THEMIS: variants seen among roughly 807,000 people sequenced by gnomAD.
THEMIS encodes thymocyte selection associated, also known as protein THEMIS.
In THEMIS, 37 loss-of-function variants were observed where a neutral mutation model predicts 52.6. The observed-to-expected ratio is 0.70, with a 90% confidence interval of 0.54 to 0.93. The LOEUF (loss-of-function observed/expected upper bound fraction) is 0.93, where lower values mean the gene tolerates loss of function less well. THEMIS is among the 40% of genes least tolerant of loss of function. The probability of loss-of-function intolerance (pLI) is 0.00; values close to 1 mark genes in which losing one functional copy is unlikely to be tolerated. For missense variants in THEMIS, 808 were observed against 763.1 expected, an observed-to-expected ratio of 1.06 and a Z score of -0.69; for synonymous variants, 292 against 272.7, an observed-to-expected ratio of 1.07 and a Z score of -0.70.
intron 3 of THEMIS, among the ~76,000 whole-genome samples, chr6:127,815,856 A>C (rs1778110933): frequency 6.6e-6 from 1 of 152,174 alleles, no homozygotes; most frequent in Admixed American, 6.5e-5. Context: ...CTGAGAACTC[A>C]GAATTGATCC....
chr6:127,729,607 CT>C (rs935639990), intron 4 of THEMIS, among the ~76,000 whole-genome samples: 20 of 152,238 alleles, frequency 1.3e-4, no homozygotes, highest in African/African-American at 4.6e-4. Context: ...GAATATGACC[CT>C]TTCTCTTCCA....
intron 4 of THEMIS, among the ~76,000 whole-genome samples, chr6:127,812,220 A>G (rs570897471): frequency 6.6e-6 from 1 of 152,342 alleles, no homozygotes; most frequent in African/African-American, 2.4e-5. Flanking sequence ...AGTGGAAATG[A>G]AGCTGAATCA....
At chr6:127,853,805 A>T (rs769874392) in intron 2 of THEMIS, among the ~76,000 whole-genome samples, 2 of 151,696 alleles carry the variant, frequency 1.3e-5, no homozygotes, top group Non-Finnish European at 3.0e-5. Context: ...GGAGATAGAC[A>T]GTATTATTAT....
chr6:127,851,514 TAA>T (rs1456091899), intron 2 of THEMIS, among the ~76,000 whole-genome samples: 5 of 151,620 alleles, frequency 3.3e-5, no homozygotes, highest in African/African-American at 1.2e-4. Context: ...ACTCAATTTT[TAA>T]AAAAATGAGC....
chr6:127,818,189 A>G (rs1288544853), intron 3 of THEMIS, among the ~76,000 whole-genome samples: 1 of 152,176 alleles, frequency 6.6e-6, no homozygotes, highest in African/African-American at 2.4e-5. Context: ...AGCCTCCACT[A>G]GCCATTCTAT....
chr6:127,812,468 C>T (rs1280775540), intron 4 of THEMIS, among the ~76,000 whole-genome samples: 1 of 152,040 alleles, frequency 6.6e-6, no homozygotes, highest in Non-Finnish European at 1.5e-5. Flanking sequence ...CCAGTAACCC[C>T]CCATCCCCAG....
chr6:127,746,148 T>C (rs1314060206), intron 4 of THEMIS, among the ~76,000 whole-genome samples: 1 of 151,896 alleles, frequency 6.6e-6, no homozygotes, highest in Non-Finnish European at 1.5e-5. Context: ...AAGGAATAAT[T>C]ATCTATTATA....
At chr6:127,730,308 A>AAAGAT (rs1774731392) in intron 4 of THEMIS, among the ~76,000 whole-genome samples, 1 of 142,860 alleles carries the variant, frequency 7.0e-6, no homozygotes, top group Admixed American at 6.8e-5. Flanking sequence ...AAAGAAAAGA[A>AAAGAT]AAGAAAAGAG....
intron 5 of THEMIS, among the ~76,000 whole-genome samples, chr6:127,716,290 A>T (rs1044798130): frequency 2.0e-5 from 3 of 151,904 alleles, no homozygotes; most frequent in Non-Finnish European, 2.9e-5. Context: ...CCCCCTGTTT[A>T]GCCAGGAAGA....
rs962800668 is a variant in THEMIS, at chr6:127,848,090, C to T, written c.250+6940G>A. Among the ~76,000 whole-genome samples, 180 of 127,678 alleles carry T rather than the reference C, an allele frequency of 1.4e-3. 1 individual carries two copies. Among genetic ancestry groups the T allele is most frequent in the African/African-American group, 4.6e-3 (159 of 34,828 alleles). The allele number at this position is 127,678 out of a possible 152,430, so 83.8% of individuals were successfully genotyped here. ...CCCCTCCCCCCCACCCCACAACAGGCCCCGGTGTGTGTGTGATGTTCCCCT... is the reference window on the plus strand; with the variant it reads ...CCCCTCCCCCCCACCCCACAACAGGTCCCGGTGTGTGTGTGATGTTCCCCT... On this transcript the variant is annotated intron_variant, in intron 2 of 5. Transcript: ENST00000368248.
intron 4 of THEMIS, among the ~76,000 whole-genome samples, chr6:127,730,917 C>G (rs1223655371): frequency 6.6e-6 from 1 of 152,154 alleles, no homozygotes; most frequent in Non-Finnish European, 1.5e-5. Flanking sequence ...AAACTTAATA[C>G]TAATACATCT....
In THEMIS at chr6:127,715,792, A is replaced by C. The variant is rs1479476123; in HGVS notation, c.1894+3896T>G. Among the ~76,000 whole-genome samples the C allele has an allele frequency of 2.0e-5, 3 of 151,908 alleles. No individual in the cohort carries two copies. The East Asian group carries it at 5.8e-4, about 29-fold the overall frequency. On this transcript the variant is annotated intron_variant, in intron 5 of 5. Transcript: ENST00000368248. ...TCTCACTTAGAAATAAGACCATTTG[A>C]GTCCAACAGTTTCAATGTTCTAACT... is the stretch of plus-strand genomic sequence containing the variant.
downstream of THEMIS, among the ~76,000 whole-genome samples, chr6:127,705,691 A>C (rs1201908960): frequency 1.3e-5 from 2 of 152,212 alleles, no homozygotes; most frequent in African/African-American, 4.8e-5. Flanking sequence ...TTCTCCCAAC[A>C]TGATATCCTG....
At chr6:127,823,400 A>C (rs1309703119) in intron 3 of THEMIS, among the ~76,000 whole-genome samples, 40 of 152,294 alleles carry the variant, frequency 2.6e-4, no homozygotes, top group Non-Finnish European at 1.0e-4. Context: ...ATGTCATCAT[A>C]ATAAGTCAAA....
intron 1 of THEMIS, among the ~76,000 whole-genome samples, chr6:127,899,688 G>A (rs1267325220): frequency 6.6e-6 from 1 of 151,478 alleles, no homozygotes; most frequent in Non-Finnish European, 1.5e-5. Context: ...TAGACATAAA[G>A]AAAGACTTTT....
chr6:127,771,793 C>T (rs1025879834), intron 4 of THEMIS, among the ~76,000 whole-genome samples: 4 of 152,108 alleles, frequency 2.6e-5, no homozygotes, highest in African/African-American at 9.7e-5. Flanking sequence ...CTTTTTACTT[C>T]TCCATAATTA....
At chr6:127,861,054 G>T (rs1779781751) in intron 1 of THEMIS, among the ~76,000 whole-genome samples, 1 of 152,000 alleles carries the variant, frequency 6.6e-6, no homozygotes. Context: ...CAGTGACTGT[G>T]CATCTTCTGA....
intron 2 of THEMIS, among the ~76,000 whole-genome samples, chr6:127,842,838 T>G (rs1054740006): frequency 6.6e-6 from 1 of 151,934 alleles, no homozygotes; most frequent in South Asian, 2.1e-4. Flanking sequence ...CAACCCCCTG[T>G]GTCACTTTGG....
At chr6:127,891,565 CAAAGAA>C (rs1473300368) in intron 1 of THEMIS, among the ~76,000 whole-genome samples, 35 of 144,234 alleles carry the variant, frequency 2.4e-4, no homozygotes, top group African/African-American at 8.8e-4. Context: ...AAGAAAGAAA[CAAAGAA>C]AAAGAAAGTC....
Sources: allele counts gnomAD v4.1 joint callset (sites outside exome capture counted in the v4.1 genomes callset), GRCh38; gene constraint gnomAD v4.1.1; transcripts MANE v1.5; gene names NCBI Gene and HGNC (gene_info 2026-07-23, HGNC 2026-07-21).